The following LUZP2 variants were observed in gnomAD, a reference collection of about 807,000 sequenced individuals.
LUZP2 encodes the protein leucine zipper protein 2.
Under a neutral mutation model 51.6 loss-of-function variants are expected in LUZP2, and 52 were observed. That is an observed-to-expected ratio of 1.01 (90% CI 0.81 to 1.27). The LOEUF (loss-of-function observed/expected upper bound fraction) is 1.27. Ranked by LOEUF, LUZP2 falls within the 50% of genes most tolerant of loss-of-function variation. The pLI is 0.00. For missense variants in LUZP2, 436 were observed against 395.4 expected, an observed-to-expected ratio of 1.10 and a Z score of -0.87; for synonymous variants, 154 against 137.3, an observed-to-expected ratio of 1.12 and a Z score of -0.85.
intron 9 of LUZP2, among the ~76,000 whole-genome samples, chr11:25,019,069 T>G (rs1295500290): frequency 6.6e-6 from 1 of 152,324 alleles, no homozygotes; most frequent in East Asian, 1.9e-4. Flanking sequence ...TTTGTTGCAC[T>G]CAATGAACTA....
At chr11:24,711,175 C>T (rs531834985) in intron 1 of LUZP2, among the ~76,000 whole-genome samples, 32 of 152,220 alleles carry the variant, frequency 2.1e-4, no homozygotes, top group African/African-American at 7.0e-4. Flanking sequence ...CTGGGCCTGG[C>T]GCGGTGGCTG....
chr11:24,897,477 GAACAACTCTGGACGGGAGGAACA>G (rs1411662498), intron 5 of LUZP2, among the ~76,000 whole-genome samples: 1 of 152,058 alleles, frequency 6.6e-6, no homozygotes, highest in Admixed American at 6.6e-5. Flanking sequence ...CGGGAGGAAT[GAACAACTCTGGACGGGAGGAACA>G]AACAACTCCC....
At chr11:24,792,828 C>G (rs1030017219) in intron 5 of LUZP2, among the ~76,000 whole-genome samples, 2 of 152,164 alleles carry the variant, frequency 1.3e-5, no homozygotes, top group Admixed American at 1.3e-4. Context: ...AACTTGGTGT[C>G]AGGATTGGGA....
chr11:24,917,103 C>A (rs1590725913), intron 7 of LUZP2, among the ~76,000 whole-genome samples: 2 of 152,256 alleles, frequency 1.3e-5, no homozygotes, highest in East Asian at 3.9e-4. Flanking sequence ...AGCATTTTTT[C>A]ATGTGTCTGT....
intron 1 of LUZP2, among the ~76,000 whole-genome samples, chr11:24,577,831 TA>T (rs1304344906): frequency 4.6e-5 from 7 of 152,188 alleles, no homozygotes; most frequent in Non-Finnish European, 7.3e-5. Flanking sequence ...ATGCTGTGAT[TA>T]TACAGTTAGC....
intron 7 of LUZP2, among the ~76,000 whole-genome samples, chr11:24,961,443 C>A (rs1855402160): frequency 1.3e-5 from 2 of 152,122 alleles, no homozygotes; most frequent in African/African-American, 4.8e-5. Context: ...GTATTGGGTG[C>A]ATATATATTT....
At chr11:25,015,266 G>T (rs181209064) in intron 9 of LUZP2, among the ~76,000 whole-genome samples, 2 of 151,988 alleles carry the variant, frequency 1.3e-5, no homozygotes, top group African/African-American at 4.8e-5. Context: ...AAAATGTTAC[G>T]ATAGTACAGA....
chr11:24,808,428 T>C (rs1197308310), intron 5 of LUZP2, among the ~76,000 whole-genome samples: 1 of 152,210 alleles, frequency 6.6e-6, no homozygotes, highest in Non-Finnish European at 1.5e-5. Flanking sequence ...TGTTATCTGA[T>C]ACAATGAGGC....
At chr11:24,758,370 A>G (rs182368939) in intron 4 of LUZP2, among the ~76,000 whole-genome samples, 12 of 151,664 alleles carry the variant, frequency 7.9e-5, no homozygotes, top group African/African-American at 2.9e-4. Context: ...TGTGTATATC[A>G]TGAATATTTT....
intron 11 of LUZP2, among the ~76,000 whole-genome samples, chr11:25,077,628 T>C (rs1053839144): frequency 3.2e-4 from 49 of 151,018 alleles, no homozygotes; most frequent in African/African-American, 1.1e-3. Flanking sequence ...GCCTCCCGAG[T>C]AGCTGGGACT....
At chr11:24,501,748 G>T (rs1363271839) in intron 1 of LUZP2, among the ~76,000 whole-genome samples, 1 of 151,942 alleles carries the variant, frequency 6.6e-6, no homozygotes, top group African/African-American at 2.4e-5. Context: ...CACCATCAGG[G>T]CAATAAAACA....
intron 7 of LUZP2, among the ~76,000 whole-genome samples, chr11:24,963,156 G>A (rs1028410528): frequency 6.6e-6 from 1 of 152,170 alleles, no homozygotes; most frequent in East Asian, 1.9e-4. Flanking sequence ...GCCGTGTGAA[G>A]TGTCAGTCTG....
chr11:25,000,340 T>C (rs1838776), intron 9 of LUZP2, among the ~76,000 whole-genome samples: 59,077 of 152,004 alleles, frequency 0.39, 13,776 homozygotes, highest in East Asian at 0.69. Context: ...GGCTGATGAC[T>C]GCTCTAGCTA....
chr11:24,725,789 A>G (rs552124039), intron 1 of LUZP2, among the ~76,000 whole-genome samples: 2 of 152,282 alleles, frequency 1.3e-5, no homozygotes, highest in Admixed American at 1.3e-4. Flanking sequence ...ATTTGGAGAT[A>G]GTTTTTGCAG....
At chr11:24,923,393 C>T (rs2133819716) in intron 7 of LUZP2, among the ~76,000 whole-genome samples, 1 of 151,994 alleles carries the variant, frequency 6.6e-6, no homozygotes, top group African/African-American at 2.4e-5. Context: ...GTCTTGAAGC[C>T]ATAGCTACAA....
intron 10 of LUZP2, among the ~76,000 whole-genome samples, chr11:25,076,610 G>A (rs1434055616): frequency 6.0e-5 from 3 of 49,786 alleles, no homozygotes; most frequent in Non-Finnish European, 1.8e-4. Flanking sequence ...AACTAAGGAA[G>A]GAATGAAGGA....
At chr11:24,736,469 GTCCTTCCTTCCTTCCT>G (rs61318393) in intron 3 of LUZP2, among the ~76,000 whole-genome samples, 53,157 of 146,274 alleles carry the variant, frequency 0.36, 11,043 homozygotes, top group Admixed American at 0.5. Flanking sequence ...TAACATGTAG[GTCCTTCCTTCCTTCCT>G]TCCTTCCTTC....
At chr11:24,566,837 A>G (rs1180871008) in intron 1 of LUZP2, among the ~76,000 whole-genome samples, 3 of 145,436 alleles carry the variant, frequency 2.1e-5, no homozygotes, top group Non-Finnish European at 4.5e-5. Flanking sequence ...ATATTTATAT[A>G]TAAGGTATAT....
At position 24,714,922 on chromosome 11, in the gene LUZP2, G is replaced by T. The variant is rs146159821; in HGVS notation, c.63-14247G>T. Among the ~76,000 whole-genome samples, 573 of 152,238 alleles carry T rather than the reference G, an allele frequency of 3.8e-3. 3 individuals are homozygous for T. The highest frequency in any genetic ancestry group is 0.013 in the African/African-American group (542 of 41,522). On this transcript the variant is annotated intron_variant, in intron 1 of 11. Coordinates refer to ENST00000336930, the MANE Select transcript of LUZP2 (RefSeq NM_001009909.4). ...ATAGCATCAACAGTTTACACTGTCA[G>T]AAGAGCCTAGAGAGTCTACAGACCC...
Sources: allele counts gnomAD v4.1 joint callset (sites outside exome capture counted in the v4.1 genomes callset), GRCh38; gene constraint gnomAD v4.1.1; transcripts MANE v1.5; gene names NCBI Gene and HGNC (gene_info 2026-07-23, HGNC 2026-07-21).